The following TRPM5 variants were observed in gnomAD, a reference collection of about 807,000 sequenced individuals.
TRPM5 encodes the protein MLSN1 and TRP-related.
TRPM5 carries 121 observed loss-of-function variants against 124.9 expected under a neutral mutation model. The ratio of observed to expected loss-of-function variants is 0.97; its 90% CI spans 0.84 to 1.13. The LOEUF (loss-of-function observed/expected upper bound fraction) is 1.13. TRPM5 is among the 50% of genes most tolerant of loss of function. The probability of loss-of-function intolerance (pLI) is 0.00; values close to 1 mark genes in which losing one functional copy is unlikely to be tolerated. For missense variants in TRPM5, 1,643 were observed against 1,589.1 expected, an observed-to-expected ratio of 1.03 and a Z score of -0.58; for synonymous variants, 781 against 700.5, an observed-to-expected ratio of 1.11 and a Z score of -1.81.
chr11:2,442,376 TACACACACACAC>T, the TRPM5 span, among the ~76,000 whole-genome samples: 1,116 of 141,252 alleles, frequency 7.9e-3, 8 homozygotes, highest in African/African-American at 0.02. This position sits in a 1 kb window ranked among gnomAD's most constrained non-coding sequence, Gnocchi z 5.9. Context: ...CATTCTTTGA[TACACACACACAC>T]ACACACACAC....
chr11:2,418,628 C>T (rs543827877), intron 4 of TRPM5, 37 bp from the exon 10 acceptor site: 35 of 1,587,684 alleles, frequency 2.2e-5, no homozygotes, highest in Admixed American at 2.0e-4. Context: ...GAGGACCCTC[C>T]GCCTGGGGTG....
Position 2,422,125 on chromosome 11 carries a change from C to T in TRPM5, c.298+16G>A, listed in dbSNP as rs753021541. ...CTGTGGGGTGGGAGCGCTGCCTGTG[C>T]CGGGTGGGGCCTCACCTGTGCTCTG... is the stretch of plus-strand genomic sequence containing the variant. On this transcript the variant is annotated intron_variant, in intron 2 of 23. Coordinates refer to ENST00000155858, the Ensembl canonical transcript of TRPM5. 3.2e-6 allele frequency: 5 copies of T among 1,573,872 alleles called. No homozygotes were observed. Among genetic ancestry groups the T allele is most frequent in the African/African-American group, 1.4e-5 (1 of 73,544 alleles).
chr11:2,426,431 C>T (rs933617430), upstream of TRPM5, among the ~76,000 whole-genome samples: 20 of 152,140 alleles, frequency 1.3e-4, no homozygotes, highest in African/African-American at 4.6e-4. Flanking sequence ...CTTCTGCACC[C>T]CTCCCTGTGC....
At chr11:2,412,496 TG>T (rs1268522008) in intron 15 of TRPM5, among the ~76,000 whole-genome samples, 1 of 152,216 alleles carries the variant, frequency 6.6e-6, no homozygotes, top group Non-Finnish European at 1.5e-5. Flanking sequence ...GTTTATGCAG[TG>T]TCTGGACTCA....
At position 2,411,486 on chromosome 11, in the gene TRPM5, C is replaced by T; in HGVS notation, c.2648G>A (p.Trp883Ter). 2 of 1,611,258 alleles carry T rather than the reference C, an allele frequency of 1.2e-6. No homozygotes were observed. Among genetic ancestry groups the T allele is most frequent in the Non-Finnish European group, 1.7e-6 (2 of 1,178,998 alleles). ...GGTGGTGACACCGTAGGCCACGAGC[C>T]ACACGCTCAGAAAGAAGAGGAAGAA... The change falls in exon 18 of 24, where the codon TGG becomes TAG. Residue 883 changes from tryptophan to a stop codon, truncating the protein, a stop_gained. Transcript: ENST00000155858. LOFTEE classifies it high-confidence loss of function.
At chr11:2,405,376 C>A (rs1480008207) in intron 23 of TRPM5, 151 bp downstream of exon 28, 15 of 793,596 alleles carry the variant, frequency 1.9e-5, no homozygotes, top group Non-Finnish European at 2.6e-5. Flanking sequence ...GGCACCCACA[C>A]CACCCTGAAG....
chr11:2,414,009 G>GGGCGGCCC, intron 12 of TRPM5, 52 bp downstream of exon 17: 2 of 1,023,732 alleles, frequency 2.0e-6, no homozygotes, highest in Non-Finnish European at 2.9e-6. Context: ...GGCCCAGCTC[G>GGGCGGCCC]CCCGCCCACC....
At chr11:2,422,434 A>C in intron 1 of TRPM5, 113 bp from the exon 7 acceptor site, 1 of 441,382 alleles carries the variant, frequency 2.3e-6, no homozygotes, top group Non-Finnish European at 3.6e-6. Context: ...GCATGGGGGG[A>C]CACTGGGCAC....
rs182936154 is a variant in TRPM5, at chr11:2,421,487, G to C, written c.299-289C>G. Among the ~76,000 whole-genome samples the C allele has an allele frequency of 1.4e-3, 217 of 152,296 alleles. 1 individual carries two copies. The highest frequency in any genetic ancestry group is 2.4e-3 in the Non-Finnish European group (166 of 68,026). ...CCAGTCCCCCCACCGTGCTCCCTCC[G>C]GGACACATCCGACACAACTCTGTCC... On this transcript the variant is annotated intron_variant, in intron 2 of 23. Coordinates refer to ENST00000155858, the Ensembl canonical transcript of TRPM5.
chr11:2,420,150 C>G (rs1478873425), intron 4 of TRPM5, 72 bp downstream of exon 9: 1 of 1,513,092 alleles, frequency 6.6e-7, no homozygotes, highest in Non-Finnish European at 8.9e-7. Context: ...GTCACCCCCA[C>G]TCTCCCACAG....
chr11:2,413,322 C>T lies in TRPM5; in HGVS notation c.2004-96G>A, dbSNP rs575064065. 12 of 1,349,778 alleles carry T rather than the reference C, an allele frequency of 8.9e-6. No individual in the cohort carries two copies. In the South Asian group the frequency reaches 1.3e-4, roughly 15 times the overall value. 83.6% of individuals were successfully genotyped at this position (1,349,778 alleles called of 1,614,324 possible). A position where few individuals can be genotyped will look rare whatever the true frequency, so the allele number is the denominator to read the frequency against. On this transcript the variant is annotated intron_variant, in intron 13 of 23. Transcript: ENST00000155858. Reference sequence around the variant, plus strand: ...GGCCATCAAAGTGCCCACTGGGATGCAGGGGCTGTGGGGAGTGGGACCCGC... The same window carrying T: ...GGCCATCAAAGTGCCCACTGGGATGTAGGGGCTGTGGGGAGTGGGACCCGC...
At chr11:2,407,093 G>A (rs1447080986) in intron 20 of TRPM5, 26 bp downstream of exon 25, 4 of 1,045,224 alleles carry the variant, frequency 3.8e-6, no homozygotes, top group South Asian at 2.0e-5. Flanking sequence ...CCTCACCCAG[G>A]TGCTCCCGCT....
upstream of TRPM5, among the ~76,000 whole-genome samples, chr11:2,425,573 C>A (rs1195077277): frequency 6.6e-6 from 1 of 152,214 alleles, no homozygotes; most frequent in Non-Finnish European, 1.5e-5. Context: ...TGGGAGGACA[C>A]CACTTAATGC....
exon 19 of TRPM5, chr11:2,407,861 G>T: frequency 1.9e-6 from 3 of 1,614,024 alleles, no homozygotes; most frequent in South Asian, 1.1e-5. Flanking sequence ...GCTGGGGCAG[G>T]ATGGTGAGTC....
intron 14 of TRPM5, 44 bp downstream of exon 19, chr11:2,413,090 C>T (rs1291823492): frequency 3.9e-6 from 6 of 1,541,086 alleles, no homozygotes; most frequent in South Asian, 3.6e-5. Flanking sequence ...TCCCAGCCAC[C>T]ACCCGCCAGT....
chr11:2,406,342 G>T (rs1318479059), intron 21 of TRPM5, among the ~76,000 whole-genome samples: 1 of 152,196 alleles, frequency 6.6e-6, no homozygotes, highest in Admixed American at 6.5e-5. Context: ...CCAGAAAGAC[G>T]GTGCAGGGCA....
At chr11:2,420,467 C>T in intron 3 of TRPM5, 62 bp from the exon 9 acceptor site, 7 of 1,508,966 alleles carry the variant, frequency 4.6e-6, no homozygotes, top group South Asian at 2.5e-5. Flanking sequence ...GGTCCCGCTG[C>T]GGGATCCTCC....
At chr11:2,428,078 T>TG in the TRPM5 span, among the ~76,000 whole-genome samples, 10 of 152,300 alleles carry the variant, frequency 6.6e-5, no homozygotes, top group Middle Eastern at 0.01. The surrounding 1 kb of genome is among the most constrained non-coding windows in gnomAD (Gnocchi z 4.0). Flanking sequence ...GGACAGAGTG[T>TG]GCCTCTGGAA....
the TRPM5 span, among the ~76,000 whole-genome samples, chr11:2,433,195 C>T: frequency 6.6e-6 from 1 of 152,246 alleles, no homozygotes; most frequent in African/African-American, 2.4e-5. Flanking sequence ...TAGGGGCCAG[C>T]GAGGCCAAAT....
Sources: allele counts gnomAD v4.1 joint callset (sites outside exome capture counted in the v4.1 genomes callset), GRCh38; gene constraint gnomAD v4.1.1; non-coding constraint Gnocchi (gnomAD v3.1); transcripts MANE v1.5; gene names NCBI Gene and HGNC (gene_info 2026-07-23, HGNC 2026-07-21).